AGPAT5: variants seen among roughly 807,000 people sequenced by gnomAD.
The protein encoded by AGPAT5 is 1-acylglycerol-3-phosphate O-acyltransferase 5, also known as 1-acyl-sn-glycerol-3-phosphate acyltransferase epsilon.
A neutral mutation model predicts 45.6 loss-of-function variants in AGPAT5; 46 were observed. The observed-to-expected ratio is 1.01, with a 90% CI of 0.80 to 1.29. The LOEUF (loss-of-function observed/expected upper bound fraction) is 1.29, where lower values mean the gene tolerates loss of function less well. Among genes scored for constraint, AGPAT5 ranks in the 50% most tolerant of loss-of-function variants. AGPAT5 has a pLI of 0.00. For missense variants in AGPAT5, 673 were observed against 450.7 expected (o/e 1.49, Z -4.47); for synonymous variants, 272 against 167.0 (o/e 1.63, Z -4.85).
intron 2 of AGPAT5, among the ~76,000 whole-genome samples, chr8:6,729,666 C>T (rs1324341197): frequency 6.6e-6 from 1 of 152,186 alleles, no homozygotes; most frequent in Non-Finnish European, 1.5e-5. Flanking sequence ...CCATCTTCTG[C>T]ACCCACTTTG....
At chr8:6,751,511 G>C (rs962954273) in intron 6 of AGPAT5, among the ~76,000 whole-genome samples, 1 of 152,182 alleles carries the variant, frequency 6.6e-6, no homozygotes, top group African/African-American at 2.4e-5. Context: ...AGGAATTCTT[G>C]TAGTCACCTT....
intron 1 of AGPAT5, among the ~76,000 whole-genome samples, chr8:6,719,021 G>A (rs565199868): frequency 6.6e-6 from 1 of 152,326 alleles, no homozygotes; most frequent in Admixed American, 6.5e-5. Flanking sequence ...CTATGAATGA[G>A]TACCTTTCCA....
chr8:6,729,717 G>C (rs1431059418), intron 2 of AGPAT5, among the ~76,000 whole-genome samples: 1 of 152,140 alleles, frequency 6.6e-6, no homozygotes, highest in East Asian at 1.9e-4. Flanking sequence ...CACTCTCTGT[G>C]TTGGAAATTT....
chr8:6,730,905 T>G, intron 3 of AGPAT5, 79 bp downstream of exon 3: 1 of 917,716 alleles, frequency 1.1e-6, no homozygotes, highest in Non-Finnish European at 1.6e-6. Flanking sequence ...AGTCTCACTT[T>G]ATTGCTCAGG....
At position 6,714,594 on chromosome 8, in the gene AGPAT5, T is replaced by C. The variant is rs535869540; in HGVS notation, c.219+5707T>C. 7.2e-4 allele frequency among the ~76,000 whole-genome samples: 109 copies of C among 152,360 alleles called. 1 individual carries two copies. The South Asian group carries it at 0.022, about 31-fold the overall frequency. ...ATTATACATTCAAACACTGCCACAA[T>C]ACTTTGAGAAAGTTAAAGTTTCCCC... On this transcript the variant is annotated intron_variant, in intron 1 of 7. Transcript: ENST00000285518.
chr8:6,730,915 G>A (rs1001868307), intron 3 of AGPAT5, 89 bp downstream of exon 3: 4 of 802,158 alleles, frequency 5.0e-6, no homozygotes, highest in Non-Finnish European at 7.7e-6. Flanking sequence ...TATTGCTCAG[G>A]CTGAGTGCAG....
At chr8:6,711,491 A>G (rs1037996584) in intron 1 of AGPAT5, among the ~76,000 whole-genome samples, 8 of 152,380 alleles carry the variant, frequency 5.3e-5, no homozygotes, top group African/African-American at 1.7e-4. Flanking sequence ...AGAATAAGTA[A>G]TAAGAATTTT....
chr8:6,709,243 G>A (rs1040296748), intron 1 of AGPAT5: 1 of 334,398 alleles, frequency 3.0e-6, no homozygotes, highest in Non-Finnish European at 5.7e-6. Flanking sequence ...TGGTCATGTT[G>A]GAACAGATCG....
At chr8:6,733,490 A>T (rs193182877) in intron 4 of AGPAT5, among the ~76,000 whole-genome samples, 1 of 152,172 alleles carries the variant, frequency 6.6e-6, no homozygotes, top group African/African-American at 2.4e-5. Flanking sequence ...ACATTAGAAC[A>T]TTGCATCTGT....
intron 4 of AGPAT5, among the ~76,000 whole-genome samples, chr8:6,737,050 AG>A (rs1258035683): frequency 1.3e-5 from 2 of 152,238 alleles, no homozygotes; most frequent in Non-Finnish European, 2.9e-5. Context: ...TTCAGTAGGA[AG>A]GTTGATTCAA....
chr8:6,722,747 A>G (rs1048117021), intron 1 of AGPAT5, among the ~76,000 whole-genome samples: 1 of 152,260 alleles, frequency 6.6e-6, no homozygotes, highest in African/African-American at 2.4e-5. Context: ...AAAGCAGAAT[A>G]ACTAGTTTGT....
intron 1 of AGPAT5, among the ~76,000 whole-genome samples, chr8:6,723,844 C>G (rs189767354): frequency 6.6e-6 from 1 of 152,260 alleles, no homozygotes; most frequent in African/African-American, 2.4e-5. Flanking sequence ...CCCTTTCTTT[C>G]TTCTCTTTTT....
intron 2 of AGPAT5, among the ~76,000 whole-genome samples, chr8:6,729,584 G>A (rs1457977112): frequency 2.6e-5 from 4 of 151,896 alleles, no homozygotes; most frequent in Non-Finnish European, 4.4e-5. Context: ...AAGTTTCTGC[G>A]GTTCTTAAGA....
chr8:6,756,319 G>A (rs1432600214), intron 7 of AGPAT5, among the ~76,000 whole-genome samples: 1 of 152,008 alleles, frequency 6.6e-6, no homozygotes, highest in East Asian at 1.9e-4. Context: ...ACCAAGCACA[G>A]ACCAAAAATA....
At chr8:6,725,921 C>G (rs1259678072) in intron 2 of AGPAT5, among the ~76,000 whole-genome samples, 1 of 152,006 alleles carries the variant, frequency 6.6e-6, no homozygotes, top group African/African-American at 2.4e-5. Context: ...GTTTTTATTA[C>G]TGCTTATACC....
intron 4 of AGPAT5, among the ~76,000 whole-genome samples, chr8:6,740,045 C>G (rs1296139436): frequency 1.3e-5 from 2 of 151,988 alleles, no homozygotes; most frequent in African/African-American, 2.4e-5. Flanking sequence ...GTGTTGTTAT[C>G]CTTTGTGCAG....
chr8:6,711,883 C>G (rs1417302096), intron 1 of AGPAT5, among the ~76,000 whole-genome samples: 2 of 152,220 alleles, frequency 1.3e-5, no homozygotes, highest in East Asian at 3.9e-4. Context: ...GGATGCTTGT[C>G]ATTGGGTTTA....
chr8:6,747,119 C>T (rs949661906), intron 5 of AGPAT5, among the ~76,000 whole-genome samples: 2 of 152,188 alleles, frequency 1.3e-5, no homozygotes, highest in African/African-American at 4.8e-5. Flanking sequence ...ATGGATGCAA[C>T]CCAAATGTCC....
At chr8:6,750,576 C>T (rs760798000) in intron 6 of AGPAT5, among the ~76,000 whole-genome samples, 1 of 152,172 alleles carries the variant, frequency 6.6e-6, no homozygotes, top group African/African-American at 2.4e-5. Context: ...GAAAAGGGGT[C>T]ATTTCCTTCT....
Sources: gnomAD v4.1 joint callset for allele counts (sites outside exome capture counted in the v4.1 genomes callset) on GRCh38, gnomAD v4.1.1 for gene constraint, MANE v1.5 for transcripts, NCBI Gene and HGNC (gene_info 2026-07-23, HGNC 2026-07-21) for gene names.